Variants in GMDS observed in about 807,000 individuals in gnomAD.
The protein encoded by GMDS is GDP-mannose 4,6-dehydratase, also known as GDP-mannose 4,6 dehydratase.
A neutral mutation model predicts 49.9 loss-of-function variants in GMDS; 20 were observed. The observed-to-expected ratio is 0.40, with a 90% CI of 0.28 to 0.58. GMDS has a LOEUF of 0.58. Ranked by LOEUF, GMDS falls within the 20% of genes least tolerant of loss-of-function variation. GMDS has a pLI of 0.42. For synonymous variants in GMDS, 177 were observed against 178.6 expected (o/e 0.99, Z 0.07); for missense variants, 362 against 481.4 (o/e 0.75, Z 2.32).
At chr6:1,835,718 A>G (rs1039737786) in intron 7 of GMDS, among the ~76,000 whole-genome samples, 1 of 152,186 alleles carries the variant, frequency 6.6e-6, no homozygotes, top group Non-Finnish European at 1.5e-5. Context: ...ACTGCACATA[A>G]TAAGTGCATT....
chr6:2,109,413 A>G (rs941747650), intron 4 of GMDS, among the ~76,000 whole-genome samples: 3 of 152,236 alleles, frequency 2.0e-5, no homozygotes, highest in African/African-American at 7.2e-5. Flanking sequence ...AAAAAGAGTT[A>G]CAGTCAAGTC....
Position 1,877,219 on chromosome 6 carries a change from G to C in GMDS, c.771+52884C>G, listed in dbSNP as rs567432542. Among the ~76,000 whole-genome samples the C allele has an allele frequency of 1.8e-4, 27 of 152,100 alleles. No homozygotes were observed. The South Asian group carries it at 5.2e-3, about 29-fold the overall frequency. On this transcript the variant is annotated intron_variant, in intron 7 of 10. Coordinates refer to ENST00000380815, the MANE Select transcript of GMDS (RefSeq NM_001500.4). ...CAGATGTTCAGTTGAACCACTGGTG[G>C]AAAATATAAAAGAGGCCAAAAAAAG...
chr6:1,665,726 C>T (rs1764214130), intron 9 of GMDS, among the ~76,000 whole-genome samples: 1 of 151,484 alleles, frequency 6.6e-6, no homozygotes, highest in Non-Finnish European at 1.5e-5. Flanking sequence ...CGATGGGCCA[C>T]AACTGGATGA....
intron 7 of GMDS, among the ~76,000 whole-genome samples, chr6:1,816,179 C>A (rs993213296): frequency 6.6e-6 from 1 of 152,200 alleles, no homozygotes; most frequent in Admixed American, 6.5e-5. Flanking sequence ...ACCATTCATT[C>A]GCCTATCTAT....
At chr6:1,817,366 CAT>C (rs1484055092) in intron 7 of GMDS, among the ~76,000 whole-genome samples, 2 of 152,144 alleles carry the variant, frequency 1.3e-5, no homozygotes, top group African/African-American at 4.8e-5. Flanking sequence ...CGTATAATAA[CAT>C]GTTATTCAAC....
rs539841727 is a variant in GMDS at position 1,773,924 on chromosome 6, C to T, written c.772-31338G>A. Among the ~76,000 whole-genome samples the T allele has an allele frequency of 2.0e-5, 3 of 152,326 alleles. No individual in the cohort carries two copies. The East Asian group carries it at 5.8e-4, about 29-fold the overall frequency. ...ACTATTGGGTCAAAAGTTCAAACCA[C>T]TATACACTGTACATTTTTGAAAAAC... On this transcript the variant is annotated intron_variant, in intron 7 of 10. Transcript: ENST00000380815.
At chr6:1,802,870 G>A (rs1459627479) in intron 7 of GMDS, among the ~76,000 whole-genome samples, 1 of 152,034 alleles carries the variant, frequency 6.6e-6, no homozygotes, top group East Asian at 1.9e-4. Context: ...TTTCAATTAC[G>A]ACTTTCTCCA....
chr6:1,879,584 G>T (rs1759264514), intron 7 of GMDS, among the ~76,000 whole-genome samples: 1 of 143,770 alleles, frequency 7.0e-6, no homozygotes. Context: ...GTTACCAAAG[G>T]TTTTTTTTTT....
chr6:2,088,536 T>C (rs952378115), intron 4 of GMDS, among the ~76,000 whole-genome samples: 4 of 152,228 alleles, frequency 2.6e-5, no homozygotes, highest in East Asian at 1.9e-4. Flanking sequence ...CTTTGGGTTG[T>C]ACAAAATAAA....
At chr6:1,675,443 C>T (rs1245047494) in intron 9 of GMDS, among the ~76,000 whole-genome samples, 2 of 151,826 alleles carry the variant, frequency 1.3e-5, no homozygotes, top group African/African-American at 4.8e-5. Flanking sequence ...CCTTTTCTTA[C>T]ATTATTGTAT....
chr6:2,093,799 CAT>C (rs1280683177), intron 4 of GMDS, among the ~76,000 whole-genome samples: 1 of 149,776 alleles, frequency 6.7e-6, no homozygotes, highest in African/African-American at 2.5e-5. Flanking sequence ...AAGAAAAAAA[CAT>C]AGGTCTGGTG....
intron 1 of GMDS, among the ~76,000 whole-genome samples, chr6:2,130,050 G>T (rs1399915049): frequency 3.9e-5 from 6 of 152,108 alleles, no homozygotes; most frequent in Admixed American, 1.3e-4. Context: ...TGAAAACCAG[G>T]TCTCTGGACT....
intron 9 of GMDS, among the ~76,000 whole-genome samples, chr6:1,636,034 C>G (rs1763136553): frequency 6.6e-6 from 1 of 152,112 alleles, no homozygotes; most frequent in Admixed American, 6.5e-5. Context: ...TAGGAGACGA[C>G]AGAAAAGAGA....
chr6:1,896,688 A>T (rs922905739), intron 7 of GMDS, among the ~76,000 whole-genome samples: 2 of 152,142 alleles, frequency 1.3e-5, no homozygotes, highest in Non-Finnish European at 2.9e-5. Flanking sequence ...GTTAGATTTC[A>T]TCGTGAAGAA....
At chr6:2,021,501 A>C (rs1253582324) in intron 4 of GMDS, among the ~76,000 whole-genome samples, 1 of 152,210 alleles carries the variant, frequency 6.6e-6, no homozygotes, top group Non-Finnish European at 1.5e-5. Context: ...TAGTCCAAAA[A>C]CTTAAGCATT....
intron 4 of GMDS, among the ~76,000 whole-genome samples, chr6:2,002,576 T>C (rs1019119622): frequency 3.3e-5 from 5 of 152,214 alleles, no homozygotes; most frequent in African/African-American, 4.8e-5. Context: ...TATGCTTCTA[T>C]GAAATCCTAC....
intron 1 of GMDS, among the ~76,000 whole-genome samples, chr6:2,212,168 A>G (rs1780090706): frequency 6.6e-6 from 1 of 152,250 alleles, no homozygotes; most frequent in Admixed American, 6.5e-5. Context: ...AAGAAAAGTT[A>G]TACTACTTCA....
At chr6:1,949,642 C>T (rs1763246074) in intron 6 of GMDS, among the ~76,000 whole-genome samples, 1 of 152,180 alleles carries the variant, frequency 6.6e-6, no homozygotes, top group South Asian at 2.1e-4. Context: ...GGCCAGACAG[C>T]TTTGTGATCG....
chr6:1,733,248 G>A (rs1040746455), intron 8 of GMDS, among the ~76,000 whole-genome samples: 5 of 152,236 alleles, frequency 3.3e-5, no homozygotes, highest in African/African-American at 9.6e-5. Context: ...GGTGAAGTAT[G>A]CGACCTCAGC....
Sources: allele counts gnomAD v4.1 joint callset (sites outside exome capture counted in the v4.1 genomes callset), GRCh38; gene constraint gnomAD v4.1.1; transcripts MANE v1.5; gene names NCBI Gene and HGNC (gene_info 2026-07-23, HGNC 2026-07-21).